Variants in MYO7A observed in about 807,000 individuals in gnomAD.
MYO7A encodes unconventional myosin-VIIa.
Under a neutral mutation model 263.8 loss-of-function variants are expected in MYO7A, and 210 were observed. That is an observed-to-expected ratio of 0.80 (90% CI 0.71 to 0.89). The LOEUF (loss-of-function observed/expected upper bound fraction) is 0.89, where lower values mean the gene tolerates loss of function less well. Among genes scored for constraint, MYO7A ranks in the 40% least tolerant of loss-of-function variants. The probability of loss-of-function intolerance (pLI) is 0.00; values close to 1 mark genes in which losing one functional copy is unlikely to be tolerated. For missense variants in MYO7A, 2,820 were observed against 2,968.3 expected, an observed-to-expected ratio of 0.95 and a Z score of 1.16; for synonymous variants, 1,239 against 1,197.3, an observed-to-expected ratio of 1.03 and a Z score of -0.72.
Position 77,189,337 on chromosome 11 carries a change from T to G in MYO7A, c.3504-7T>G. The G allele has an allele frequency of 6.2e-7, 1 of 1,612,966 alleles. No homozygotes were observed. Among genetic ancestry groups the G allele is most frequent in the Non-Finnish European group, 8.5e-7 (1 of 1,179,834 alleles). Reference sequence around the variant, plus strand: ...ATTCCCCCTCCCTTGCCCTGCTGCCTGCCCAGGGACGAGATCTACTGCCAG... The same window carrying G: ...ATTCCCCCTCCCTTGCCCTGCTGCCGGCCCAGGGACGAGATCTACTGCCAG... On this transcript the variant is annotated splice_region_variant and splice_polypyrimidine_tract_variant and intron_variant, in intron 27 of 48. Transcript: ENST00000409709.
chr11:77,167,778 C>T (rs1953690420), intron 15 of MYO7A, among the ~76,000 whole-genome samples: 1 of 152,166 alleles, frequency 6.6e-6, no homozygotes, highest in African/African-American at 2.4e-5. Context: ...CCACACACCC[C>T]CAGCAGTAGA....
At chr11:77,182,738 T>G (rs1037122530) in intron 25 of MYO7A, 138 bp downstream of exon 25, 63 of 936,640 alleles carry the variant, frequency 6.7e-5, no homozygotes, top group Admixed American at 2.8e-4. Flanking sequence ...CCTGCCACCC[T>G]CCTTTGTCTA....
rs2135698596 is a variant in MYO7A at position 77,201,483 on chromosome 11, GGA to G, written c.4891_4892del (p.Asp1631ProfsTer7). 6.2e-7 allele frequency: 1 copy of G among 1,613,944 alleles called. No homozygotes were observed. Among genetic ancestry groups the G allele is most frequent in the African/African-American group, 1.3e-5 (1 of 75,046 alleles). On this transcript the variant is annotated frameshift_variant, in exon 36 of 49. Transcript: ENST00000409709. LOFTEE classifies it high-confidence loss of function. Reference sequence around the variant, plus strand: ...GTCAGGCTTCCTCAGCTTTGCCAAGGGAGACCTCATCATCCTGGACCATGACA... The same window carrying G: ...GTCAGGCTTCCTCAGCTTTGCCAAGGGACCTCATCATCCTGGACCATGACA... Reference protein sequence around the residue: ...EESGFLSFAKGDLIILDHDTG... With the variant: ...EESGFLSFAKXDLIILDHDTG...
Position 77,180,363 on chromosome 11 carries a change from C to A in MYO7A, c.2587-11C>A. On this transcript the variant is annotated splice_polypyrimidine_tract_variant and intron_variant, in intron 21 of 48. Transcript: ENST00000409709. ...ACATTTCCATGCCCTCTGGATGCCC[C>A]CTTCCCTCAGTATCTGTGGCGCCTC... 6.2e-7 allele frequency: 1 copy of A among 1,610,442 alleles called. No homozygotes were observed. Among genetic ancestry groups the A allele is most frequent in the South Asian group, 1.1e-5 (1 of 90,396 alleles).
chr11:77,133,322 C>A (rs1188995386), intron 2 of MYO7A, among the ~76,000 whole-genome samples: 1 of 152,208 alleles, frequency 6.6e-6, no homozygotes, highest in African/African-American at 2.4e-5. Context: ...TTTTGTGCTT[C>A]AGTATGTCAT....
At chr11:77,188,067 C>G (rs1793505555) in intron 27 of MYO7A, among the ~76,000 whole-genome samples, 1 of 152,178 alleles carries the variant, frequency 6.6e-6, no homozygotes, top group Non-Finnish European at 1.5e-5. Flanking sequence ...GCTGACACTT[C>G]TAGGAAACAC....
At chr11:77,206,580 T>G (rs550868529) in intron 41 of MYO7A, among the ~76,000 whole-genome samples, 3 of 152,310 alleles carry the variant, frequency 2.0e-5, no homozygotes, top group South Asian at 2.1e-4. Flanking sequence ...GAGCCCACTT[T>G]CCTGCAGGCA....
In MYO7A at chr11:77,172,794, A is replaced by G. The variant is rs1277380069; in HGVS notation, c.1844A>G (p.Lys615Arg). ...KRSPTLSSQFKRSLELLMRTL... is the reference protein window; with the variant it reads ...KRSPTLSSQFRRSLELLMRTL... ...TCGCCCACACTTAGCAGCCAGTTCAAGCGGTCACTGGAGCTGCTGATGCGC... is the reference window on the plus strand; with the variant it reads ...TCGCCCACACTTAGCAGCCAGTTCAGGCGGTCACTGGAGCTGCTGATGCGC... The change falls in exon 16 of 49, where the codon AAG becomes AGG. Residue 615 changes from lysine to arginine, a missense_variant. Physicochemically the swap from Lys to Arg is conservative, Grantham distance 26. Transcript: ENST00000409709. 4.5e-6 allele frequency: 7 copies of G among 1,559,402 alleles called. No homozygotes were observed. Among genetic ancestry groups the G allele is most frequent in the Non-Finnish European group, 6.1e-6 (7 of 1,152,052 alleles).
intron 32 of MYO7A, among the ~76,000 whole-genome samples, chr11:77,195,686 G>A (rs1031200317): frequency 2.0e-5 from 3 of 152,222 alleles, no homozygotes; most frequent in African/African-American, 7.2e-5. Context: ...TCCTGGACTG[G>A]AGCTCCTCAG....
chr11:77,193,899 A>C, intron 31 of MYO7A: 1 of 417,468 alleles, frequency 2.4e-6, no homozygotes, highest in Non-Finnish European at 4.9e-6. Context: ...TAACGGTGGT[A>C]ATGGTGATGG....
chr11:77,159,625 C>G, intron 10 of MYO7A, 102 bp downstream of exon 10: 1 of 1,211,840 alleles, frequency 8.3e-7, no homozygotes, highest in Non-Finnish European at 1.2e-6. Flanking sequence ...TGCTGGGACC[C>G]TCTGGTTTGG....
Position 77,190,795 on chromosome 11 carries a change from C to T in MYO7A, c.3849C>T (p.Leu1283=), listed in dbSNP as rs758089721. The change falls in exon 30 of 49, where the codon CTC becomes CTT. Residue 1283 remains leucine (L), a synonymous_variant. Transcript: ENST00000409709. ...ACTCGGCAACCACGGCCAAGGAGCT[C>T]TGCAACGCGCTGGCCGACAAGATCT... ...LTDSATTAKE[L]CNALADKISL... The T allele has an allele frequency of 1.3e-6, 2 of 1,592,936 alleles. No homozygotes were observed. The highest frequency in any genetic ancestry group is 1.7e-6 in the Non-Finnish European group (2 of 1,170,136).
intron 13 of MYO7A, 37 bp downstream of exon 13, chr11:77,162,367 G>A (rs1310598885): frequency 2.6e-6 from 4 of 1,537,160 alleles, no homozygotes; most frequent in South Asian, 1.2e-5. Flanking sequence ...AGGGTCTTGG[G>A]TGCGCACAGC....
intron 2 of MYO7A, among the ~76,000 whole-genome samples, chr11:77,132,925 G>A (rs962626802): frequency 1.3e-5 from 2 of 152,224 alleles, no homozygotes; most frequent in Non-Finnish European, 2.9e-5. Flanking sequence ...TGCAGAGCGG[G>A]TCGGCTCCCG....
rs782179124 is a variant in MYO7A, at chr11:77,156,106, A to G, written c.470+15A>G. On this transcript the variant is annotated intron_variant, in intron 5 of 48. Coordinates refer to ENST00000409709, the MANE Select transcript of MYO7A (RefSeq NM_000260.4). ...TGCATCATCAGGTGGGCGGCCCAGC[A>G]CCTGTGTGGAGCTCCAGGCTTAGGA... 2 of 1,612,526 alleles carry G rather than the reference A, an allele frequency of 1.2e-6. No homozygotes were observed. The highest frequency in any genetic ancestry group is 1.7e-6 in the Non-Finnish European group (2 of 1,179,326).
Position 77,205,563 on chromosome 11 carries a change from G to A in MYO7A, c.5582G>A (p.Arg1861Gln), listed in dbSNP as rs371483693. 27 of 1,612,886 alleles carry A rather than the reference G, an allele frequency of 1.7e-5. No individual in the cohort carries two copies. Among genetic ancestry groups the A allele is most frequent in the African/African-American group, 4.0e-5 (3 of 74,904 alleles). The change falls in exon 40 of 49, where the codon CGA becomes CAA. Residue 1861 changes from arginine (R) to glutamine (Q), a missense_variant. Physicochemically the swap from Arg to Gln is conservative, Grantham distance 43. Coordinates refer to ENST00000409709, the MANE Select transcript of MYO7A (RefSeq NM_000260.4). Reference protein sequence around the residue: ...LPHVQRFLQSRKHCPLAIDCL... With the variant: ...LPHVQRFLQSQKHCPLAIDCL... Reference sequence around the variant, plus strand: ...CACGTGCAGCGCTTCCTGCAGTCCCGAAAGCACTGCCCACTCGCCATCGAC... The same window carrying A: ...CACGTGCAGCGCTTCCTGCAGTCCCAAAAGCACTGCCCACTCGCCATCGAC...
chr11:77,150,430 G>A (rs969442061), intron 4 of MYO7A, among the ~76,000 whole-genome samples: 3 of 152,174 alleles, frequency 2.0e-5, no homozygotes, highest in Non-Finnish European at 4.4e-5. Context: ...GGAGGGTGGT[G>A]AACTGATCCC....
chr11:77,177,570 G>A lies in MYO7A; in HGVS notation c.2209G>A (p.Glu737Lys), dbSNP rs782438837. The A allele has an allele frequency of 4.3e-6, 7 of 1,611,590 alleles. No homozygotes were observed. Among genetic ancestry groups the A allele is most frequent in the Non-Finnish European group, 5.9e-6 (7 of 1,179,270 alleles). ...FLKDHHDMLL[E>K]VERDKAITDR... ...CTAGGACCACCATGACATGCTGCTG[G>A]AAGTGGAGCGGGACAAAGCCATCAC... Residue 737 changes from glutamate (E) to lysine (K), a missense_variant, in exon 19 of 49, where the codon GAA (glutamate) becomes AAA (lysine). Physicochemically the swap from Glu to Lys is moderately conservative, Grantham distance 56. Coordinates refer to ENST00000409709, the MANE Select transcript of MYO7A (RefSeq NM_000260.4).
At chr11:77,160,336 T>C (rs1952877979) in intron 11 of MYO7A, 54 bp downstream of exon 11, 1 of 1,528,222 alleles carries the variant, frequency 6.5e-7, no homozygotes, top group Admixed American at 2.0e-5. Flanking sequence ...GAAGTTGGGC[T>C]CTTGATGGGC....
Sources: allele counts gnomAD v4.1 joint callset (sites outside exome capture counted in the v4.1 genomes callset), GRCh38; gene constraint gnomAD v4.1.1; transcripts MANE v1.5; gene names NCBI Gene and HGNC (gene_info 2026-07-23, HGNC 2026-07-21).